ZMYM1: variants seen among roughly 807,000 people sequenced by gnomAD.
The protein encoded by ZMYM1 is zinc finger MYM-type protein 1.
In ZMYM1, 39 loss-of-function variants were observed where a neutral mutation model predicts 60.0. The observed-to-expected ratio is 0.65, with a 90% confidence interval of 0.50 to 0.85. The LOEUF (loss-of-function observed/expected upper bound fraction) is 0.85, where lower values mean the gene tolerates loss of function less well. Among genes scored for constraint, ZMYM1 ranks in the 40% least tolerant of loss-of-function variants. The pLI, the probability that ZMYM1 is intolerant of heterozygous loss-of-function variation, is 0.00. For synonymous variants in ZMYM1, 413 were observed against 454.0 expected (o/e 0.91, Z 1.15); for missense variants, 1,171 against 1,309.5 (o/e 0.89, Z 1.63).
At position 35,110,356 on chromosome 1, in the gene ZMYM1, T is replaced by A. The variant is rs1195013663; in HGVS notation, c.870T>A (p.Ile290=). ...CKPLKPSDEM[I]ETTSDLGKTE... Reference sequence around the variant, plus strand: ...CATTGAAGCCCTCAGATGAAATGATTGAGACTACGAGTGATTTGGGGAAGA... The same window carrying A: ...CATTGAAGCCCTCAGATGAAATGATAGAGACTACGAGTGATTTGGGGAAGA... The change falls in exon 7 of 10, where the codon ATT becomes ATA. Residue 290 remains isoleucine, a synonymous_variant. Coordinates refer to ENST00000359858, the MANE Select transcript of ZMYM1 (RefSeq NM_024772.5). The A allele has an allele frequency of 6.3e-7, 1 of 1,595,482 alleles. No homozygotes were observed. Among genetic ancestry groups the A allele is most frequent in the Middle Eastern group, 1.7e-4 (1 of 6,014 alleles).
intron 1 of ZMYM1, among the ~76,000 whole-genome samples, chr1:35,071,750 T>C (rs1021155466): frequency 4.6e-5 from 7 of 152,362 alleles, no homozygotes; most frequent in Middle Eastern, 3.4e-3. Context: ...ATTGCTGGCA[T>C]CTTAAAATGA....
At chr1:35,106,841 G>T (rs140806941) in intron 6 of ZMYM1, among the ~76,000 whole-genome samples, 3,212 of 145,932 alleles carry the variant, frequency 0.022, 126 homozygotes, top group African/African-American at 0.081. Context: ...GTTGTTTTTT[G>T]TTGTTGTTGT....
chr1:35,097,612 C>A (rs756530209), intron 4 of ZMYM1, 46 bp downstream of exon 4: 3 of 1,598,116 alleles, frequency 1.9e-6, no homozygotes, highest in Non-Finnish European at 2.6e-6. Flanking sequence ...CTACCTTGTT[C>A]TTGATCATAG....
chr1:35,069,077 GC>G (rs1488097882), intron 1 of ZMYM1, among the ~76,000 whole-genome samples: 3 of 151,984 alleles, frequency 2.0e-5, no homozygotes, highest in Non-Finnish European at 2.9e-5. Context: ...CAGGTGATCT[GC>G]CTGCCTCAGC....
intron 1 of ZMYM1, among the ~76,000 whole-genome samples, chr1:35,064,829 A>G (rs1641942248): frequency 1.3e-5 from 2 of 151,178 alleles, no homozygotes; most frequent in South Asian, 4.2e-4. Context: ...CTGGGACTAC[A>G]GGCGCCCGCC....
intron 1 of ZMYM1, among the ~76,000 whole-genome samples, chr1:35,070,850 A>G (rs1391068998): frequency 1.3e-5 from 2 of 151,272 alleles, no homozygotes; most frequent in Non-Finnish European, 2.9e-5. Flanking sequence ...ATTTTGTCAA[A>G]TCCTTTTTCT....
downstream of ZMYM1, among the ~76,000 whole-genome samples, chr1:35,117,780 A>C (rs1348590796): frequency 6.6e-6 from 1 of 152,060 alleles, no homozygotes; most frequent in Non-Finnish European, 1.5e-5. Flanking sequence ...GTCTCTACTA[A>C]AACTATAAAA....
chr1:35,088,450 A>G lies in ZMYM1; in HGVS notation c.-74-5464A>G, dbSNP rs201755844. 3.1e-3 allele frequency among the ~76,000 whole-genome samples: 322 copies of G among 103,968 alleles called. 3 individuals carry two copies. Among genetic ancestry groups the G allele is most frequent in the African/African-American group, 0.011 (245 of 22,652 alleles). 68.2% of individuals were successfully genotyped at this position (103,968 alleles called of 152,430 possible). ...TGTTTATGTGTATATATATATATAT[A>G]TATATGTGTGTGTGTGTGTGTGTGT... On this transcript the variant is annotated intron_variant, in intron 1 of 9. Transcript: ENST00000359858.
intron 4 of ZMYM1, among the ~76,000 whole-genome samples, chr1:35,099,026 G>A (rs982062202): frequency 9.2e-5 from 14 of 152,172 alleles, no homozygotes; most frequent in African/African-American, 3.4e-4. Flanking sequence ...ATTCGTATCT[G>A]TTTTTGATAA....
upstream of ZMYM1, among the ~76,000 whole-genome samples, chr1:35,075,490 T>C (rs140769613): frequency 8.5e-5 from 13 of 152,224 alleles, no homozygotes; most frequent in East Asian, 2.5e-3. Flanking sequence ...GGTTTATAGA[T>C]GGCAGCCATC....
intron 4 of ZMYM1, among the ~76,000 whole-genome samples, chr1:35,100,320 T>C (rs1431548242): frequency 2.0e-5 from 3 of 152,094 alleles, no homozygotes; most frequent in East Asian, 1.9e-4. Flanking sequence ...TTAAATCTTA[T>C]TAGAAAGATG....
intron 1 of ZMYM1, among the ~76,000 whole-genome samples, chr1:35,068,117 T>G (rs1642003320): frequency 6.6e-6 from 1 of 151,532 alleles, no homozygotes; most frequent in South Asian, 2.1e-4. Context: ...GTATAACTAC[T>G]GTAATCAAGA....
At chr1:35,085,776 C>T (rs1446104748) in intron 1 of ZMYM1, among the ~76,000 whole-genome samples, 1 of 152,192 alleles carries the variant, frequency 6.6e-6, no homozygotes, top group African/African-American at 2.4e-5. Flanking sequence ...TATTCTGTAC[C>T]CCTCATTCCC....
At chr1:35,061,895 T>C (rs1641884569) in intron 1 of ZMYM1, among the ~76,000 whole-genome samples, 1 of 151,498 alleles carries the variant, frequency 6.6e-6, no homozygotes, top group Non-Finnish European at 1.5e-5. Flanking sequence ...AGTGGCATGA[T>C]CTCAGCTCAC....
Position 35,097,694 on chromosome 1 carries a change from G to T in ZMYM1, c.419+128G>T, listed in dbSNP as rs563539031. The T allele has an allele frequency of 3.4e-4, 390 of 1,141,774 alleles. 2 individuals are homozygous for T. Among genetic ancestry groups the T allele is most frequent in the Non-Finnish European group, 1.1e-4 (84 of 792,954 alleles). The allele number at this position is 1,141,774 out of a possible 1,614,324, so 70.7% of individuals were successfully genotyped here. A position where few individuals can be genotyped will look rare whatever the true frequency, so the allele number is the denominator to read the frequency against. ...AGTTTGACTCTTGTTGCCCAGGCTG[G>T]AGTGCAGTGGCACGATCTCGGCTCA... On this transcript the variant is annotated intron_variant, in intron 4 of 9. Coordinates refer to ENST00000359858, the MANE Select transcript of ZMYM1 (RefSeq NM_024772.5).
At chr1:35,069,007 GT>G (rs952465442) in intron 1 of ZMYM1, among the ~76,000 whole-genome samples, 4 of 151,932 alleles carry the variant, frequency 2.6e-5, no homozygotes, top group Non-Finnish European at 5.9e-5. Context: ...TAGAGACGGG[GT>G]TTTTTAGTAG....
chr1:35,117,006 G>C (rs926430190), downstream of ZMYM1, among the ~76,000 whole-genome samples: 57 of 150,664 alleles, frequency 3.8e-4, no homozygotes, highest in South Asian at 1.0e-3. Context: ...ACTGTGCCCG[G>C]CTAATTTTTT....
chr1:35,071,373 C>T (rs575475656), intron 1 of ZMYM1, among the ~76,000 whole-genome samples: 2 of 152,072 alleles, frequency 1.3e-5, no homozygotes, highest in East Asian at 3.9e-4. Context: ...CACTCTATCA[C>T]CAAGGCTGGA....
At chr1:35,092,340 C>A (rs1643065287) in intron 1 of ZMYM1, among the ~76,000 whole-genome samples, 1 of 151,740 alleles carries the variant, frequency 6.6e-6, no homozygotes, top group Non-Finnish European at 1.5e-5. Context: ...TGAAGTGATT[C>A]TCCTGCCTTA....
Sources: gnomAD v4.1 joint callset for allele counts (sites outside exome capture counted in the v4.1 genomes callset) on GRCh38, gnomAD v4.1.1 for gene constraint, MANE v1.5 for transcripts, NCBI Gene and HGNC (gene_info 2026-07-23, HGNC 2026-07-21) for gene names.